RAP1GAP2: variants seen among roughly 807,000 people sequenced by gnomAD.
The protein encoded by RAP1GAP2 is rap1 GTPase-activating protein 2.
RAP1GAP2 carries 27 observed loss-of-function variants against 95.0 expected under a neutral mutation model. The ratio of observed to expected loss-of-function variants is 0.28; its 90% confidence interval spans 0.21 to 0.39. RAP1GAP2 has a LOEUF of 0.39. Ranked by LOEUF, RAP1GAP2 falls within the 10% of genes least tolerant of loss-of-function variation. The pLI is 1.00. For missense variants in RAP1GAP2, 771 were observed against 970.0 expected (o/e 0.79, Z 2.72); for synonymous variants, 373 against 380.9 (o/e 0.98, Z 0.24).
rs189506540 is a variant in RAP1GAP2 at position 2,802,955 on chromosome 17, A to G, written c.80+2405A>G. On this transcript the variant is annotated intron_variant, in intron 2 of 24. Coordinates refer to ENST00000254695, the MANE Select transcript of RAP1GAP2 (RefSeq NM_015085.5). ...TCCATATCTTTTGTCCAGTGGACACAATAATGTCTGGTTTTCCTAGAGCTT... is the reference window on the plus strand; with the variant it reads ...TCCATATCTTTTGTCCAGTGGACACGATAATGTCTGGTTTTCCTAGAGCTT... Among the ~76,000 whole-genome samples the G allele has an allele frequency of 3.3e-3, 495 of 152,300 alleles. 1 individual carries two copies. Among genetic ancestry groups the G allele is most frequent in the Non-Finnish European group, 4.5e-3 (307 of 68,018 alleles).
chr17:3,026,173 A>C, intron 20 of RAP1GAP2, 52 bp downstream of exon 20: 1 of 1,447,158 alleles, frequency 6.9e-7, no homozygotes, highest in Non-Finnish European at 9.6e-7. Flanking sequence ...GAGCCCTGGA[A>C]CACGCCCTCT....
At chr17:2,774,040 G>A (rs904195361), upstream of RAP1GAP2, among the ~76,000 whole-genome samples, 3 of 152,176 alleles carry the variant, frequency 2.0e-5, no homozygotes, top group Admixed American at 1.3e-4. Context: ...TTACAGGCAT[G>A]AGCCATCGTG....
intron 2 of RAP1GAP2, among the ~76,000 whole-genome samples, chr17:2,852,393 C>T: frequency 6.6e-6 from 1 of 152,076 alleles, no homozygotes; most frequent in Non-Finnish European, 1.5e-5. Context: ...ATAAATAGAC[C>T]AGGTGCATTT....
At chr17:2,795,783 T>A (rs2069059915), upstream of RAP1GAP2, among the ~76,000 whole-genome samples, 1 of 152,182 alleles carries the variant, frequency 6.6e-6, no homozygotes, top group African/African-American at 2.4e-5. Context: ...TGTCTACTGA[T>A]GCCTGTGTGA....
At chr17:2,932,351 A>G (rs771791078) in intron 3 of RAP1GAP2, among the ~76,000 whole-genome samples, 3 of 152,002 alleles carry the variant, frequency 2.0e-5, no homozygotes, top group African/African-American at 4.8e-5. Flanking sequence ...CTGGGGGACA[A>G]CTGCAGCCCC....
In RAP1GAP2 at chr17:2,825,139, G is replaced by C. The variant is rs543178669; in HGVS notation, c.80+24589G>C. On this transcript the variant is annotated intron_variant, in intron 2 of 24. Coordinates refer to ENST00000254695, the MANE Select transcript of RAP1GAP2 (RefSeq NM_015085.5). This position sits in a 1 kb window ranked among gnomAD's most constrained non-coding sequence, Gnocchi z 4.1. ...TATAGAGATGGGGTCTTGCTATGCTGTCCAGGCTGGTCTTGAACTCCTGGC... is the reference window on the plus strand; with the variant it reads ...TATAGAGATGGGGTCTTGCTATGCTCTCCAGGCTGGTCTTGAACTCCTGGC... Among the ~76,000 whole-genome samples, 1 of 152,224 alleles carries C rather than the reference G, an allele frequency of 6.6e-6. No homozygotes were observed. Among genetic ancestry groups the C allele is most frequent in the South Asian group, 2.1e-4 (1 of 4,788 alleles).
At chr17:2,989,128 T>G (rs1174160241) in intron 11 of RAP1GAP2, among the ~76,000 whole-genome samples, 1 of 152,188 alleles carries the variant, frequency 6.6e-6, no homozygotes, top group Non-Finnish European at 1.5e-5. Context: ...CTAGTGTTTC[T>G]TCTCACCAGC....
intron 2 of RAP1GAP2, among the ~76,000 whole-genome samples, chr17:2,809,102 C>T (rs1347290208): frequency 6.6e-6 from 1 of 152,326 alleles, no homozygotes; most frequent in Non-Finnish European, 1.5e-5. Context: ...CTCCAAGACC[C>T]ATGTGCTCCT....
chr17:2,977,207 A>G (rs962041280), intron 8 of RAP1GAP2, among the ~76,000 whole-genome samples: 34 of 152,172 alleles, frequency 2.2e-4, no homozygotes, highest in African/African-American at 8.0e-4. Context: ...AGAAACAAAG[A>G]TGAAGTCTTC....
At chr17:2,932,447 T>G (rs2043183819) in intron 3 of RAP1GAP2, among the ~76,000 whole-genome samples, 1 of 150,990 alleles carries the variant, frequency 6.6e-6, no homozygotes, top group Admixed American at 6.6e-5. Context: ...GGAGGAAGGG[T>G]GTTCGGTATG....
intron 2 of RAP1GAP2, among the ~76,000 whole-genome samples, chr17:2,895,255 C>T (rs9909493): frequency 0.57 from 87,088 of 152,014 alleles, 26,754 homozygotes; most frequent in African/African-American, 0.78. Context: ...CTCGGGGGCC[C>T]GCGGGGAGGC....
chr17:2,761,366 G>T (rs951673483), intron 1 of RAP1GAP2, among the ~76,000 whole-genome samples: 3 of 147,252 alleles, frequency 2.0e-5, no homozygotes, highest in Non-Finnish European at 4.5e-5. Flanking sequence ...TCAGCTCACC[G>T]CAACCTCCGT....
intron 11 of RAP1GAP2, among the ~76,000 whole-genome samples, chr17:2,990,076 C>T (rs1042448285): frequency 2.6e-5 from 4 of 152,188 alleles, no homozygotes; most frequent in African/African-American, 4.8e-5. Context: ...GCACGTTGTT[C>T]CTTGTTCATG....
intron 3 of RAP1GAP2, among the ~76,000 whole-genome samples, chr17:2,907,359 G>A (rs1249847400): frequency 2.6e-5 from 4 of 152,204 alleles, no homozygotes; most frequent in Non-Finnish European, 4.4e-5. Context: ...CCACATGTGC[G>A]CATGCTCAGC....
At chr17:2,944,978 G>C (rs758196463) in intron 3 of RAP1GAP2, among the ~76,000 whole-genome samples, 1 of 152,138 alleles carries the variant, frequency 6.6e-6, no homozygotes, top group Non-Finnish European at 1.5e-5. Flanking sequence ...TGTCTCCCGG[G>C]TTCACGTCAT....
chr17:2,911,553 C>CA (rs2151745240), intron 3 of RAP1GAP2, among the ~76,000 whole-genome samples: 2 of 152,086 alleles, frequency 1.3e-5, no homozygotes, highest in South Asian at 4.2e-4. Context: ...TGCAGTCCTC[C>CA]ACCCTCAGAG....
chr17:2,757,914 A>G (rs1167497383), intron 1 of RAP1GAP2, among the ~76,000 whole-genome samples: 7 of 151,592 alleles, frequency 4.6e-5, no homozygotes, highest in South Asian at 4.2e-4. Flanking sequence ...CTGTCACCCA[A>G]GCTGGAGTGG....
intron 11 of RAP1GAP2, among the ~76,000 whole-genome samples, chr17:2,988,990 C>T (rs1433017646): frequency 6.6e-6 from 1 of 151,970 alleles, no homozygotes; most frequent in East Asian, 1.9e-4. Flanking sequence ...ACCTGGGAGG[C>T]AGAGGTTGCC....
At chr17:2,972,967 C>T (rs1369100085) in intron 8 of RAP1GAP2, among the ~76,000 whole-genome samples, 5 of 152,184 alleles carry the variant, frequency 3.3e-5, no homozygotes, top group Admixed American at 2.6e-4. Context: ...TGTTCTCGGT[C>T]TTACTCATCA....
Sources: gnomAD v4.1 joint callset for allele counts (sites outside exome capture counted in the v4.1 genomes callset) on GRCh38, gnomAD v4.1.1 for gene constraint, Gnocchi (gnomAD v3.1) non-coding constraint, MANE v1.5 for transcripts, NCBI Gene and HGNC (gene_info 2026-07-23, HGNC 2026-07-21) for gene names.